RASGEF1C: variants seen among roughly 807,000 people sequenced by gnomAD.
The protein encoded by RASGEF1C is RasGEF domain family member 1C, also known as ras-GEF domain-containing family member 1C.
Under a neutral mutation model 58.1 loss-of-function variants are expected in RASGEF1C, and 27 were observed. The ratio of observed to expected loss-of-function variants is 0.46; its 90% confidence interval spans 0.34 to 0.64. The LOEUF (loss-of-function observed/expected upper bound fraction) is 0.64, where lower values mean the gene tolerates loss of function less well. Ranked by LOEUF, RASGEF1C falls within the 30% of genes least tolerant of loss-of-function variation. The probability of loss-of-function intolerance (pLI) is 0.01; values close to 1 mark genes in which losing one functional copy is unlikely to be tolerated. For missense variants in RASGEF1C, 502 were observed against 605.1 expected (o/e 0.83, Z 1.79); for synonymous variants, 243 against 246.3 (o/e 0.99, Z 0.13).
chr5:180,109,336 T>C (rs1765920950), intron 12 of RASGEF1C, among the ~76,000 whole-genome samples: 2 of 152,112 alleles, frequency 1.3e-5, no homozygotes, highest in South Asian at 4.1e-4. Context: ...TGGGTGCCTG[T>C]AGTCCCAGCT....
intron 1 of RASGEF1C, among the ~76,000 whole-genome samples, chr5:180,187,229 A>G (rs1017363720): frequency 4.6e-5 from 7 of 152,136 alleles, no homozygotes; most frequent in African/African-American, 1.2e-4. Flanking sequence ...AAAAAAATCA[A>G]ATTGGACCCC....
Position 180,168,289 on chromosome 5 carries a change from C to T in RASGEF1C, c.-6-30231G>A, listed in dbSNP as rs145269933. Among the ~76,000 whole-genome samples, 714 of 152,090 alleles carry T rather than the reference C, an allele frequency of 4.7e-3. 7 individuals carry two copies. The highest frequency in any genetic ancestry group is 0.016 in the African/African-American group (676 of 41,510). ...CTACTTAAAAAAATACAAAATTAGCCGAGCCTGGTGGTGCATGCCTGTAAT... is the reference window on the plus strand; with the variant it reads ...CTACTTAAAAAAATACAAAATTAGCTGAGCCTGGTGGTGCATGCCTGTAAT... On this transcript the variant is annotated intron_variant, in intron 1 of 13. Coordinates refer to ENST00000361132, the MANE Select transcript of RASGEF1C (RefSeq NM_175062.4). The surrounding 1 kb of genome is among the most constrained non-coding windows in gnomAD (Gnocchi z 6.0).
rs79173799 is a variant in RASGEF1C at position 180,190,710 on chromosome 5, A to G, written c.-7+18318T>C. Among the ~76,000 whole-genome samples, 445 of 151,936 alleles carry G rather than the reference A, an allele frequency of 2.9e-3. 1 individual carries two copies. The highest frequency in any genetic ancestry group is 0.01 in the African/African-American group (431 of 41,498). On this transcript the variant is annotated intron_variant, in intron 1 of 13. Coordinates refer to ENST00000361132, the MANE Select transcript of RASGEF1C (RefSeq NM_175062.4). ...TAAAAATTTTAAAAATTACAGAAAC[A>G]ACAGTAAAACCTACAACTATAAAGT...
intron 1 of RASGEF1C, among the ~76,000 whole-genome samples, chr5:180,175,657 C>T (rs79724540): frequency 0.1 from 15,686 of 152,290 alleles, 851 homozygotes; most frequent in Middle Eastern, 0.17. Context: ...CACTTCTCCC[C>T]GCCAAGAATA....
In RASGEF1C at chr5:180,137,502, A is replaced by G; in HGVS notation, c.300+88T>C. ...CCTTGTCAGGAAAACGGGGACAATC[A>G]TTGCCTCCCCGAGAGGCTGATGCGT... On this transcript the variant is annotated intron_variant, in intron 3 of 13. Transcript: ENST00000361132. The surrounding 1 kb of genome is among the most constrained non-coding windows in gnomAD (Gnocchi z 4.1). 2.0e-6 allele frequency: 3 copies of G among 1,522,490 alleles called. No individual in the cohort carries two copies. In the East Asian group the frequency reaches 7.3e-5, roughly 37 times the overall value. The allele number at this position is 1,522,490 out of a possible 1,614,324, so 94.3% of individuals were successfully genotyped here.
chr5:180,140,795 C>T (rs933935814), intron 1 of RASGEF1C, among the ~76,000 whole-genome samples: 21 of 152,234 alleles, frequency 1.4e-4, no homozygotes, highest in African/African-American at 4.8e-4. Flanking sequence ...GGGCTGACGG[C>T]AGGATGCAAT....
chr5:180,193,541 G>A (rs11249683), intron 1 of RASGEF1C, among the ~76,000 whole-genome samples: 32 of 151,834 alleles, frequency 2.1e-4, no homozygotes, highest in African/African-American at 7.5e-4. Flanking sequence ...AGCCAGGACC[G>A]GGGGACTCAA....
intron 1 of RASGEF1C, among the ~76,000 whole-genome samples, chr5:180,192,376 G>C (rs897284278): frequency 6.6e-6 from 1 of 151,994 alleles, no homozygotes; most frequent in African/African-American, 2.4e-5. Flanking sequence ...TGAGCTCAGC[G>C]TCCTCACTGG....
chr5:180,162,702 T>C (rs1353810256), intron 1 of RASGEF1C, among the ~76,000 whole-genome samples: 1 of 152,262 alleles, frequency 6.6e-6, no homozygotes, highest in Non-Finnish European at 1.5e-5. Context: ...TTTTAGCTAT[T>C]CTAGTTCCTT....
intron 1 of RASGEF1C, among the ~76,000 whole-genome samples, chr5:180,202,839 A>T (rs1756418551): frequency 6.6e-6 from 1 of 151,624 alleles, no homozygotes; most frequent in South Asian, 2.1e-4. Flanking sequence ...ACTAGCTGGG[A>T]TTACAGGTGC....
chr5:180,203,007 T>C (rs1341383891), intron 1 of RASGEF1C, among the ~76,000 whole-genome samples: 1 of 152,184 alleles, frequency 6.6e-6, no homozygotes, highest in Non-Finnish European at 1.5e-5. Flanking sequence ...TGGCCAGTAC[T>C]CACAAGTCTT....
At chr5:180,112,462 C>T (rs1366905164) in intron 11 of RASGEF1C, among the ~76,000 whole-genome samples, 1 of 152,252 alleles carries the variant, frequency 6.6e-6, no homozygotes, top group African/African-American at 2.4e-5. Context: ...CAGCCCCTCT[C>T]TGGGCTATAG....
intron 1 of RASGEF1C, among the ~76,000 whole-genome samples, chr5:180,190,164 G>A (rs192635712): frequency 1.1e-4 from 16 of 151,954 alleles, no homozygotes; most frequent in Admixed American, 5.2e-4. Context: ...AGGCCAACCT[G>A]GGCAACACAG....
intron 1 of RASGEF1C, among the ~76,000 whole-genome samples, chr5:180,164,418 GTAC>G (rs1766989305): frequency 2.0e-5 from 3 of 152,080 alleles, no homozygotes; most frequent in Non-Finnish European, 4.4e-5. Flanking sequence ...TATTTATGGG[GTAC>G]AATGTGATGT....
intron 1 of RASGEF1C, among the ~76,000 whole-genome samples, chr5:180,199,034 C>A (rs1407653392): frequency 6.6e-6 from 1 of 152,084 alleles, no homozygotes; most frequent in East Asian, 1.9e-4. Flanking sequence ...CTACCCAGGC[C>A]CCTAGTGGTC....
At chr5:180,111,878 A>C (rs1765964903) in intron 11 of RASGEF1C, among the ~76,000 whole-genome samples, 1 of 152,222 alleles carries the variant, frequency 6.6e-6, no homozygotes, top group Admixed American at 6.5e-5. Flanking sequence ...GGTATATTTA[A>C]GTAAGACTTA....
At chr5:180,111,329 C>G in intron 12 of RASGEF1C, 128 bp downstream of exon 12, 1 of 1,286,794 alleles carries the variant, frequency 7.8e-7, no homozygotes, top group Non-Finnish European at 1.1e-6. Context: ...CTTGTTCCCT[C>G]CCGGAGCCAG....
chr5:180,111,714 A>C (rs757967328), intron 11 of RASGEF1C, 134 bp from the exon 12 acceptor site: 67 of 916,796 alleles, frequency 7.3e-5, no homozygotes, highest in Non-Finnish European at 1.0e-4. Context: ...GCAGGGGGCG[A>C]TAAATGAGGG....
At position 180,137,526 on chromosome 5, in the gene RASGEF1C, G is replaced by A. The variant is rs551232392; in HGVS notation, c.300+64C>T. ...CATTGCCTCCCCGAGAGGCTGATGC[G>A]TTGAGGGCATGGCAGGGCAGTGCTG... On this transcript the variant is annotated intron_variant, in intron 3 of 13. Coordinates refer to ENST00000361132, the MANE Select transcript of RASGEF1C (RefSeq NM_175062.4). The surrounding 1 kb of genome is among the most constrained non-coding windows in gnomAD (Gnocchi z 4.1). 190 of 1,572,236 alleles carry A rather than the reference G, an allele frequency of 1.2e-4. No homozygotes were observed. The African/African-American group carries it at 2.1e-3, about 18-fold the overall frequency.
Sources: allele counts gnomAD v4.1 joint callset (sites outside exome capture counted in the v4.1 genomes callset), GRCh38; gene constraint gnomAD v4.1.1; non-coding constraint Gnocchi (gnomAD v3.1); transcripts MANE v1.5; gene names NCBI Gene and HGNC (gene_info 2026-07-23, HGNC 2026-07-21).